KMT2C: variants seen among roughly 807,000 people sequenced by gnomAD.
KMT2C encodes the protein lysine methyltransferase 2C.
A neutral mutation model predicts 507.9 loss-of-function variants in KMT2C; 88 were observed. That is an observed-to-expected ratio of 0.17 (90% CI 0.15 to 0.21). The LOEUF is 0.21. Among genes scored for constraint, KMT2C ranks in the 10% least tolerant of loss-of-function variants. KMT2C has a pLI of 1.00. For synonymous variants in KMT2C, 2,049 were observed against 2,080.8 expected (o/e 0.98, Z 0.42); for missense variants, 4,954 against 5,957.8 (o/e 0.83, Z 5.55).
intron 41 of KMT2C, among the ~76,000 whole-genome samples, chr7:152,167,878 G>A (rs1348410179): frequency 4.6e-5 from 7 of 152,010 alleles, no homozygotes; most frequent in African/African-American, 1.4e-4. Flanking sequence ...ATCCTAAACA[G>A]AGAGAAAAGG....
intron 1 of KMT2C, among the ~76,000 whole-genome samples, chr7:152,386,459 C>A (rs2097427575): frequency 4.6e-5 from 7 of 151,944 alleles, no homozygotes; most frequent in African/African-American, 1.5e-4. Flanking sequence ...TGGCTATTTA[C>A]CAAAGCGTTT....
At chr7:152,228,862 C>T (rs991878810) in intron 18 of KMT2C, among the ~76,000 whole-genome samples, 22 of 152,230 alleles carry the variant, frequency 1.4e-4, no homozygotes, top group Non-Finnish European at 2.4e-4. Flanking sequence ...CAGTCACATA[C>T]CATGAGCAAC....
chr7:152,250,882 T>C lies in KMT2C; in HGVS notation c.1706A>G (p.Gln569Arg). The C allele has an allele frequency of 6.2e-7, 1 of 1,606,182 alleles. No homozygotes were observed. Among genetic ancestry groups the C allele is most frequent in the Non-Finnish European group, 8.5e-7 (1 of 1,172,852 alleles). Residue 569 changes from glutamine (Q) to arginine (R), a missense_variant, in exon 12 of 59, where the codon CAG becomes CGG. Physicochemically the swap from Gln to Arg is conservative, Grantham distance 43. Around this residue, in one of 29 missense-constraint regions of KMT2C, gnomAD observed 376 missense variants for 352.4 expected, o/e 1.07. Coordinates refer to ENST00000262189, the MANE Select transcript of KMT2C (RefSeq NM_170606.3). ...TGGAACAATTCCAGGAGTGGACTCC[T>C]GACCGTTGACATCTTTATTAGCTGC... The part of the protein sequence containing the change: ...EQAANKDVNG[Q>R]ESTPGIVPDA...
chr7:152,306,918 G>A (rs1346941385), intron 6 of KMT2C, among the ~76,000 whole-genome samples: 1 of 152,164 alleles, frequency 6.6e-6, no homozygotes, highest in Non-Finnish European at 1.5e-5. Context: ...CAGTACTTCG[G>A]GAGGATGAGG....
intron 2 of KMT2C, among the ~76,000 whole-genome samples, chr7:152,340,263 C>T (rs2096979211): frequency 6.6e-6 from 1 of 150,700 alleles, no homozygotes; most frequent in African/African-American, 2.5e-5. Context: ...GCTAGAATTA[C>T]AGGCATGAGC....
intron 1 of KMT2C, chr7:152,366,883 G>T: frequency 2.6e-6 from 1 of 384,760 alleles, no homozygotes; most frequent in South Asian, 3.0e-5. Context: ...CGCAGCAAGG[G>T]CCAGACGCGG....
chr7:152,360,884 A>C (rs2097191621), intron 1 of KMT2C, among the ~76,000 whole-genome samples: 1 of 152,050 alleles, frequency 6.6e-6, no homozygotes, highest in African/African-American at 2.4e-5. Context: ...TCAAAGCCTA[A>C]ATGGTTTTAT....
chr7:152,367,708 T>C (rs879158532), intron 1 of KMT2C: 7 of 1,264,616 alleles, frequency 5.5e-6, no homozygotes, highest in Non-Finnish European at 5.8e-6. Flanking sequence ...TTTGGAGATG[T>C]AGTGGATAAT....
At chr7:152,435,265 G>T (rs1418355653) in intron 1 of KMT2C, among the ~76,000 whole-genome samples, 1 of 152,046 alleles carries the variant, frequency 6.6e-6, no homozygotes, top group South Asian at 2.1e-4. Context: ...GGACTACCTG[G>T]GCGCGCTCCG....
At chr7:152,379,922 C>G (rs567259068) in intron 1 of KMT2C, among the ~76,000 whole-genome samples, 2 of 152,420 alleles carry the variant, frequency 1.3e-5, no homozygotes, top group African/African-American at 4.8e-5. Context: ...ACAGCGAGAC[C>G]CCAGTATCTA....
intron 9 of KMT2C, among the ~76,000 whole-genome samples, chr7:152,258,405 C>T (rs1452508110): frequency 2.0e-5 from 3 of 152,270 alleles, no homozygotes; most frequent in African/African-American, 7.2e-5. Flanking sequence ...AAGCAGAGGG[C>T]TAACTGGTAA....
rs779618428 is a variant in KMT2C, at chr7:152,144,734, A to G, written c.14322T>C (p.Tyr4774=). 1.3e-5 allele frequency: 21 copies of G among 1,613,964 alleles called. No individual in the cohort carries two copies. In the Admixed American group the frequency reaches 2.7e-4, roughly 20 times the overall value. The change falls in exon 55 of 59, where the codon TAT becomes TAC. Residue 4774 remains tyrosine, a synonymous_variant. Transcript: ENST00000262189. The surrounding 1 kb of genome is among the most constrained non-coding windows in gnomAD (Gnocchi z 4.4). The part of the protein sequence containing the change: ...KMKTEWKSNV[Y]LARSRIQGLG... ...TCACCTGAATCCGAGACCGTGCCAGATACACATTGGATTTCCATTCAGTTT... is the reference window on the plus strand; with the variant it reads ...TCACCTGAATCCGAGACCGTGCCAGGTACACATTGGATTTCCATTCAGTTT...
chr7:152,364,934 G>GACACACACACACAC (rs71198778), intron 1 of KMT2C, among the ~76,000 whole-genome samples: 10 of 138,164 alleles, frequency 7.2e-5, no homozygotes, highest in African/African-American at 2.5e-4. Flanking sequence ...GAAACAGACA[G>GACACACACACACAC]ACACACACAC....
At chr7:152,197,630 T>C (rs1197535842) in intron 27 of KMT2C, among the ~76,000 whole-genome samples, 1 of 152,186 alleles carries the variant, frequency 6.6e-6, no homozygotes, top group African/African-American at 2.4e-5. Flanking sequence ...TGTTTTAAAG[T>C]AATGGAATTC....
intron 6 of KMT2C, among the ~76,000 whole-genome samples, chr7:152,297,051 A>AAGAAAG (rs1356233143): frequency 1.2e-4 from 7 of 60,240 alleles, no homozygotes; most frequent in Admixed American, 1.9e-4. Context: ...GAAAGAAAGA[A>AAGAAAG]AGACAGAGAG....
chr7:152,410,330 T>C (rs925132900), intron 1 of KMT2C, among the ~76,000 whole-genome samples: 18 of 152,188 alleles, frequency 1.2e-4, no homozygotes, highest in Non-Finnish European at 2.5e-4. Flanking sequence ...AAGAATGGCG[T>C]GAACCCAGGA....
In KMT2C at chr7:152,177,218, C is replaced by A. The variant is rs150354371; in HGVS notation, c.8235G>T (p.Leu2745=). 6.2e-7 allele frequency: 1 copy of A among 1,613,482 alleles called. No individual in the cohort carries two copies. The highest frequency in any genetic ancestry group is 1.1e-5 in the South Asian group (1 of 91,052). The change falls in exon 38 of 59, where the codon CTG becomes CTT. Residue 2745 remains leucine (L), a synonymous_variant. Coordinates refer to ENST00000262189, the MANE Select transcript of KMT2C (RefSeq NM_170606.3). ...ACTCTCCTGACCTTAAGAGGTCATCCAGGTTGGGATCATTAGTTTCCAAAT... is the reference window on the plus strand; with the variant it reads ...ACTCTCCTGACCTTAAGAGGTCATCAAGGTTGGGATCATTAGTTTCCAAAT... ...LDNLETNDPN[L]DDLLRSGEFD...
chr7:152,201,293 GACACACACACACACACACACACAC>G (rs3839689), intron 26 of KMT2C, among the ~76,000 whole-genome samples: 3 of 136,948 alleles, frequency 2.2e-5, no homozygotes, highest in Non-Finnish European at 4.8e-5. Flanking sequence ...TACAGACACA[GACACACACACACACACACACACAC>G]ACACACACAC....
chr7:152,171,799 G>A (rs576546774), intron 39 of KMT2C, among the ~76,000 whole-genome samples: 9 of 152,290 alleles, frequency 5.9e-5, no homozygotes, highest in African/African-American at 1.9e-4. Context: ...TGAGAGCTTA[G>A]TTATTTTATA....
Sources: gnomAD v4.1 joint callset for allele counts (sites outside exome capture counted in the v4.1 genomes callset) on GRCh38, gnomAD v4.1.1 for gene constraint, gnomAD v4.1.1 regional missense constraint, Gnocchi (gnomAD v3.1) non-coding constraint, MANE v1.5 for transcripts, NCBI Gene and HGNC (gene_info 2026-07-23, HGNC 2026-07-21) for gene names.